NCAM1: variants seen among roughly 807,000 people sequenced by gnomAD.
The protein encoded by NCAM1 is neural cell adhesion molecule 1, also known as antigen recognized by monoclonal antibody 5.1H11.
Under a neutral mutation model 109.8 loss-of-function variants are expected in NCAM1, and 14 were observed. That is an observed-to-expected ratio of 0.13 (90% CI 0.08 to 0.20). The LOEUF (loss-of-function observed/expected upper bound fraction) is 0.20. NCAM1 is among the 10% of genes least tolerant of loss of function. The probability of loss-of-function intolerance (pLI) is 1.00; values close to 1 mark genes in which losing one functional copy is unlikely to be tolerated. For synonymous variants in NCAM1, 418 were observed against 442.9 expected (o/e 0.94, Z 0.70); for missense variants, 774 against 1,109.9 (o/e 0.70, Z 4.30).
At chr11:113,006,151 A>G (rs1482034048) in intron 1 of NCAM1, among the ~76,000 whole-genome samples, 1 of 152,222 alleles carries the variant, frequency 6.6e-6, no homozygotes, top group African/African-American at 2.4e-5. Flanking sequence ...ATGTCATTCT[A>G]AAATGAATGG....
rs1245086 is a variant in NCAM1 at position 113,113,922 on chromosome 11, A to G, written c.53-88457A>G. Among the ~76,000 whole-genome samples, 407 of 152,270 alleles carry G rather than the reference A, an allele frequency of 2.7e-3. 2 individuals carry two copies. The highest frequency in any genetic ancestry group is 9.3e-3 in the African/African-American group (385 of 41,538). On this transcript the variant is annotated intron_variant, in intron 1 of 19. Transcript: ENST00000316851. ...CTGGTGCTTTAGGATTTCACTTCAC[A>G]TTGCTGTCCTCTGCAGAGCCTTCTC...
At chr11:113,190,790 G>C (rs1213740926) in intron 1 of NCAM1, among the ~76,000 whole-genome samples, 2 of 152,106 alleles carry the variant, frequency 1.3e-5, no homozygotes, top group East Asian at 3.9e-4. Flanking sequence ...ATCTGATCTG[G>C]TGTGACAGTG....
chr11:113,062,359 T>A (rs1555083548), intron 1 of NCAM1, among the ~76,000 whole-genome samples: 1 of 152,174 alleles, frequency 6.6e-6, no homozygotes, highest in Non-Finnish European at 1.5e-5. Context: ...TGTGACCTTT[T>A]GTTGTCTGGC....
chr11:113,130,355 GC>G (rs782506213), intron 1 of NCAM1, among the ~76,000 whole-genome samples: 10 of 152,244 alleles, frequency 6.6e-5, no homozygotes, highest in Non-Finnish European at 1.3e-4. Flanking sequence ...AGACACTGGG[GC>G]ACAACACTGA....
chr11:113,096,329 G>A (rs1481748500), intron 1 of NCAM1, among the ~76,000 whole-genome samples: 1 of 152,192 alleles, frequency 6.6e-6, no homozygotes, highest in Admixed American at 6.5e-5. Flanking sequence ...AAAAATTAAT[G>A]ACAAGGGAGC....
At chr11:113,072,195 T>C (rs1363281593) in intron 1 of NCAM1, among the ~76,000 whole-genome samples, 1 of 152,224 alleles carries the variant, frequency 6.6e-6, no homozygotes, top group African/African-American at 2.4e-5. Flanking sequence ...TATAGTTGTG[T>C]TAGCTCTGTT....
Position 112,963,302 on chromosome 11 carries a change from T to G in NCAM1, c.52+1638T>G, listed in dbSNP as rs1555064032. 6.6e-6 allele frequency: 1 copy of G among 152,388 alleles called. No homozygotes were observed. The highest frequency in any genetic ancestry group is 6.5e-5 in the Admixed American group (1 of 15,288). 9.4% of individuals were successfully genotyped at this position (152,388 alleles called of 1,614,324 possible). A position where few individuals can be genotyped will look rare whatever the true frequency, so the allele number is the denominator to read the frequency against. The stretch of plus-strand genomic sequence containing the variant: ...GAGACTAGGTGGTCACCGGGAGTGC[T>G]CCTGGTCCGGCCGCCCGTGCTCGCC... On this transcript the variant is annotated intron_variant, in intron 1 of 19. Coordinates refer to ENST00000316851, the MANE Select transcript of NCAM1 (RefSeq NM_181351.5). The surrounding 1 kb of genome is among the most constrained non-coding windows in gnomAD (Gnocchi z 4.6).
intron 1 of NCAM1, among the ~76,000 whole-genome samples, chr11:113,185,417 C>G (rs962327306): frequency 6.6e-6 from 1 of 152,158 alleles, no homozygotes; most frequent in Admixed American, 6.5e-5. Context: ...CTGCTTTACT[C>G]AGTCTACCCA....
rs1263073735 is a variant in NCAM1, at chr11:113,273,470, G to A, written c.2456+1594G>A. 6.0e-6 allele frequency: 2 copies of A among 333,704 alleles called. No homozygotes were observed. The highest frequency in any genetic ancestry group is 4.5e-5 in the South Asian group (2 of 44,666). The allele number at this position is 333,704 out of a possible 1,614,324, so 20.7% of individuals were successfully genotyped here. A position where few individuals can be genotyped will look rare whatever the true frequency, so the allele number is the denominator to read the frequency against. ...CCAGCACCAAAGGCCCGGACCCGGAGCCCACCCAGCCCGGAGCCGCGAAGA... is the reference window on the plus strand; with the variant it reads ...CCAGCACCAAAGGCCCGGACCCGGAACCCACCCAGCCCGGAGCCGCGAAGA... On this transcript the variant is annotated intron_variant, in intron 19 of 19. Transcript: ENST00000316851. This position sits in a 1 kb window ranked among gnomAD's most constrained non-coding sequence, Gnocchi z 6.0.
At chr11:113,266,636 T>A (rs186822744) in intron 17 of NCAM1, among the ~76,000 whole-genome samples, 1 of 152,156 alleles carries the variant, frequency 6.6e-6, no homozygotes, top group Admixed American at 6.5e-5. Flanking sequence ...GTGATTCAGA[T>A]CCCATAAAAG....
intron 15 of NCAM1, among the ~76,000 whole-genome samples, chr11:113,253,598 C>G (rs1165301382): frequency 6.6e-6 from 1 of 152,126 alleles, no homozygotes; most frequent in Non-Finnish European, 1.5e-5. Context: ...TTGATTCAGC[C>G]TTGAAAACTC....
chr11:113,240,907 A>G, intron 14 of NCAM1: 1 of 1,415,100 alleles, frequency 7.1e-7, no homozygotes, highest in Non-Finnish European at 1.0e-6. Flanking sequence ...GCCTAATGTT[A>G]TCTCCTTCAC....
intron 1 of NCAM1, among the ~76,000 whole-genome samples, chr11:112,997,057 G>A (rs1184293352): frequency 2.0e-5 from 3 of 152,166 alleles, no homozygotes; most frequent in Admixed American, 2.0e-4. Flanking sequence ...AGTGGGCATG[G>A]GAAGCTTGGG....
At chr11:113,031,786 G>T (rs1418256217) in intron 1 of NCAM1, among the ~76,000 whole-genome samples, 1 of 152,180 alleles carries the variant, frequency 6.6e-6, no homozygotes, top group Non-Finnish European at 1.5e-5. Context: ...AACAGCAGCT[G>T]GGAAGGACAA....
chr11:113,103,413 C>T (rs1939964167), intron 1 of NCAM1, among the ~76,000 whole-genome samples: 1 of 152,074 alleles, frequency 6.6e-6, no homozygotes, highest in Non-Finnish European at 1.5e-5. Flanking sequence ...CTAATGTGTC[C>T]TTGTGTTCAC....
intron 1 of NCAM1, among the ~76,000 whole-genome samples, chr11:113,196,389 T>C (rs1943856763): frequency 6.6e-6 from 1 of 152,108 alleles, no homozygotes; most frequent in Admixed American, 6.6e-5. Context: ...ATGTAGAGAG[T>C]AGAACTGGGC....
Position 113,232,225 on chromosome 11 carries a change from G to A in NCAM1, c.1296G>A (p.Val432=). The change falls in exon 11 of 20, where the codon GTG becomes GTA. Residue 432 remains valine, a synonymous_variant. Coordinates refer to ENST00000316851, the MANE Select transcript of NCAM1 (RefSeq NM_181351.5). The part of the protein sequence containing the change: ...VAVYTWEGNQ[V]NITCEVFAYP... ...TGTACACTTGGGAGGGGAACCAGGT[G>A]AACATCACCTGCGAGGTATTTGCCT... The A allele has an allele frequency of 6.2e-7, 1 of 1,613,560 alleles. No individual in the cohort carries two copies. The highest frequency in any genetic ancestry group is 1.1e-5 in the South Asian group (1 of 90,984).
At chr11:112,979,743 G>A (rs1555068405) in intron 1 of NCAM1, among the ~76,000 whole-genome samples, 5 of 151,846 alleles carry the variant, frequency 3.3e-5, no homozygotes. Context: ...GTTGGGTGCA[G>A]AAGCTCAGTC....
chr11:113,024,886 T>C (rs1341782352), intron 1 of NCAM1, among the ~76,000 whole-genome samples: 1 of 152,248 alleles, frequency 6.6e-6, no homozygotes, highest in Non-Finnish European at 1.5e-5. Flanking sequence ...AAGTGGTAGG[T>C]GGTTTCAAAA....
Sources: allele counts gnomAD v4.1 joint callset (sites outside exome capture counted in the v4.1 genomes callset), GRCh38; gene constraint gnomAD v4.1.1; non-coding constraint Gnocchi (gnomAD v3.1); transcripts MANE v1.5; gene names NCBI Gene and HGNC (gene_info 2026-07-23, HGNC 2026-07-21).